ST7: variants seen among roughly 807,000 people sequenced by gnomAD.
ST7 encodes the protein suppressor of tumorigenicity 7 protein.
In ST7, 28 loss-of-function variants were observed where a neutral mutation model predicts 78.7. The observed-to-expected ratio is 0.36, with a 90% CI of 0.26 to 0.49. The LOEUF (loss-of-function observed/expected upper bound fraction) is 0.49, where lower values mean the gene tolerates loss of function less well. Among genes scored for constraint, ST7 ranks in the 20% least tolerant of loss-of-function variants. The pLI is 0.99. For synonymous variants in ST7, 247 were observed against 249.6 expected (o/e 0.99, Z 0.10); for missense variants, 418 against 696.0 (o/e 0.60, Z 4.49).
intron 8 of ST7, among the ~76,000 whole-genome samples, chr7:117,137,842 T>G (rs2089389246): frequency 6.6e-6 from 1 of 152,174 alleles, no homozygotes; most frequent in African/African-American, 2.4e-5. Flanking sequence ...TTTTAGTGAT[T>G]GTTGTTACAA....
At chr7:117,202,870 T>C (rs193582) in intron 12 of ST7, among the ~76,000 whole-genome samples, 97,121 of 150,358 alleles carry the variant, frequency 0.65, 31,803 homozygotes, top group East Asian at 0.92. Flanking sequence ...AGTGTTTTTT[T>C]CCCCCCCTCA....
chr7:117,091,940 T>C (rs1166068553), intron 1 of ST7, among the ~76,000 whole-genome samples: 3 of 152,168 alleles, frequency 2.0e-5, no homozygotes, highest in African/African-American at 4.8e-5. Context: ...GCAGTAATCA[T>C]TGCTGTAGCA....
chr7:117,221,367 C>T (rs1332726859), intron 14 of ST7, among the ~76,000 whole-genome samples: 1 of 152,014 alleles, frequency 6.6e-6, no homozygotes. Context: ...CATGTGAGGT[C>T]CTTGCTGGAT....
intron 1 of ST7, among the ~76,000 whole-genome samples, chr7:116,987,576 C>T (rs1256275417): frequency 1.3e-5 from 2 of 152,336 alleles, no homozygotes; most frequent in Admixed American, 6.5e-5. Flanking sequence ...AGTCCCTTCA[C>T]TTATATTGGC....
At chr7:117,212,261 G>A (rs1371090862) in intron 13 of ST7, among the ~76,000 whole-genome samples, 2 of 152,198 alleles carry the variant, frequency 1.3e-5, no homozygotes, top group African/African-American at 4.8e-5. Context: ...GCCGGACAGA[G>A]GTGGCCATCT....
chr7:117,185,240 TGATA>T (rs1329161554), intron 10 of ST7, among the ~76,000 whole-genome samples: 3 of 152,342 alleles, frequency 2.0e-5, no homozygotes, highest in African/African-American at 7.2e-5. Flanking sequence ...AAGTTACATC[TGATA>T]GATCTCCAGA....
intron 15 of ST7, among the ~76,000 whole-genome samples, chr7:117,225,963 C>T (rs1326152412): frequency 6.6e-6 from 1 of 152,170 alleles, no homozygotes; most frequent in African/African-American, 2.4e-5. Context: ...CATATAAATA[C>T]GTTATCATTC....
intron 12 of ST7, among the ~76,000 whole-genome samples, chr7:117,209,071 C>T (rs1199592198): frequency 6.6e-6 from 1 of 152,112 alleles, no homozygotes; most frequent in Non-Finnish European, 1.5e-5. Context: ...AAAATGGAAA[C>T]GTAGTCTTTT....
intron 13 of ST7, among the ~76,000 whole-genome samples, chr7:117,216,204 A>G (rs1248302359): frequency 1.3e-5 from 2 of 152,318 alleles, no homozygotes; most frequent in East Asian, 3.9e-4. Context: ...TTGTGAAGGC[A>G]TGATCTGTTC....
At chr7:116,954,120 A>G (rs762878164) in intron 1 of ST7, 2 of 151,538 alleles carry the variant, frequency 1.3e-5, no homozygotes, top group Non-Finnish European at 2.9e-5. Context: ...GTGGGTGCCA[A>G]GCGGCCGAAG....
At position 117,222,073 on chromosome 7, in the gene ST7, G is replaced by A. The variant is rs777823300; in HGVS notation, c.1638+11G>A. On this transcript the variant is annotated intron_variant, in intron 15 of 15. Transcript: ENST00000323984. ...GTCTTCGCAAAAGCTGTGAGTGTTT[G>A]CCTAGAGGGAGGCCTTGGGGAATGG... is the stretch of plus-strand genomic sequence containing the variant. The A allele has an allele frequency of 1.9e-6, 3 of 1,600,226 alleles. No homozygotes were observed. Among genetic ancestry groups the A allele is most frequent in the Non-Finnish European group, 2.6e-6 (3 of 1,175,320 alleles).
intron 1 of ST7, among the ~76,000 whole-genome samples, chr7:117,065,840 A>C (rs2116473896): frequency 6.6e-6 from 1 of 152,280 alleles, no homozygotes; most frequent in South Asian, 2.1e-4. Context: ...AATCCAAAGT[A>C]CTTATTTTGG....
At chr7:117,116,872 T>G (rs1464795419) in intron 2 of ST7, among the ~76,000 whole-genome samples, 1 of 152,234 alleles carries the variant, frequency 6.6e-6, no homozygotes. Flanking sequence ...GAGTCATTTT[T>G]TACCTTAGGA....
At chr7:117,071,957 G>C (rs1409345526) in intron 1 of ST7, 1 of 152,236 alleles carries the variant, frequency 6.6e-6, no homozygotes, top group African/African-American at 2.4e-5. Context: ...CGTGGTATAA[G>C]AGTGAGGGAT....
intron 1 of ST7, among the ~76,000 whole-genome samples, chr7:116,979,921 C>A (rs1793871572): frequency 6.8e-6 from 1 of 146,444 alleles, no homozygotes. Context: ...TTATATTTAT[C>A]ATGCTCATAT....
chr7:116,999,871 C>T (rs865900124), intron 1 of ST7, among the ~76,000 whole-genome samples: 10 of 127,782 alleles, frequency 7.8e-5, no homozygotes, highest in East Asian at 4.8e-4. Context: ...AGTGCAGTGG[C>T]GCAATCTCAG....
chr7:116,953,673 A>T lies in ST7; in HGVS notation c.133A>T (p.Asn45Tyr), dbSNP rs774998721. 1 of 1,496,176 alleles carries T rather than the reference A, an allele frequency of 6.7e-7. No individual in the cohort carries two copies. Among genetic ancestry groups the T allele is most frequent in the South Asian group, 1.2e-5 (1 of 84,996 alleles). The allele number at this position is 1,496,176 out of a possible 1,614,324, so 92.7% of individuals were successfully genotyped here. The change falls in exon 1 of 16, where the codon AAC becomes TAC. Residue 45 changes from asparagine to tyrosine, a missense_variant. Physicochemically the swap from Asn to Tyr is moderately radical, Grantham distance 143 (BLOSUM62 -2). Around this residue, in one of 4 missense-constraint regions of ST7, gnomAD observed 71 missense variants for 61.5 expected, o/e 1.16. Coordinates refer to ENST00000323984, the MANE Select transcript of ST7 (RefSeq NM_001369598.1). ...VYILRVPLKINDNLSTVSMFL... is the reference protein window; with the variant it reads ...VYILRVPLKIYDNLSTVSMFL... ...CATCCTGCGGGTGCCTTTGAAAATC[A>T]ACGACAACTTGAGCACAGGTAAGGC...
chr7:117,003,207 G>A (rs1485495207), intron 1 of ST7, among the ~76,000 whole-genome samples: 1 of 151,994 alleles, frequency 6.6e-6, no homozygotes, highest in African/African-American at 2.4e-5. Context: ...CTAGAGTGCA[G>A]TGTCATGAGC....
At position 117,177,748 on chromosome 7, in the gene ST7, ATTTT is replaced by A. The variant is rs1374241757; in HGVS notation, c.1078+6774_1078+6777del. Among the ~76,000 whole-genome samples, 4 of 152,090 alleles carry A rather than the reference ATTTT, an allele frequency of 2.6e-5. No homozygotes were observed. The East Asian group carries it at 7.7e-4, about 29-fold the overall frequency. On this transcript the variant is annotated intron_variant, in intron 10 of 15. Coordinates refer to ENST00000323984, the MANE Select transcript of ST7 (RefSeq NM_001369598.1). ...CAATCCCTTTTATTTCTTCAGTGAAATTTTTCCCTTTGGTTGGAAGGGGACCTCG... is the reference window on the plus strand; with the variant it reads ...CAATCCCTTTTATTTCTTCAGTGAAATCCCTTTGGTTGGAAGGGGACCTCG...
Sources: allele counts gnomAD v4.1 joint callset (sites outside exome capture counted in the v4.1 genomes callset), GRCh38; gene constraint gnomAD v4.1.1; regional missense constraint gnomAD v4.1.1; transcripts MANE v1.5; gene names NCBI Gene and HGNC (gene_info 2026-07-23, HGNC 2026-07-21).